EPHA6: variants seen among roughly 807,000 people sequenced by gnomAD.
EPHA6 encodes the protein ephrin type-A receptor 6.
EPHA6 carries 50 observed loss-of-function variants against 112.0 expected under a neutral mutation model. That is an observed-to-expected ratio of 0.45 (90% CI 0.36 to 0.56). The LOEUF is 0.56. Ranked by LOEUF, EPHA6 falls within the 20% of genes least tolerant of loss-of-function variation. The pLI is 0.00. For synonymous variants in EPHA6, 529 were observed against 490.7 expected, an observed-to-expected ratio of 1.08 and a Z score of -1.03; for missense variants, 1,280 against 1,417.4, an observed-to-expected ratio of 0.90 and a Z score of 1.56.
chr3:97,333,468 C>CTTT lies in EPHA6; in HGVS notation c.1607-71661_1607-71659dup, dbSNP rs869258362. On this transcript the variant is annotated intron_variant, in intron 5 of 17. Transcript: ENST00000389672. Reference sequence around the variant, plus strand: ...TTCCTTTACACTCTGTATGGCTTTTCTTTTTTTTTTTTTTTTTTTTTTTGA... The same window carrying CTTT: ...TTCCTTTACACTCTGTATGGCTTTTCTTTTTTTTTTTTTTTTTTTTTTTTTTGA... Among the ~76,000 whole-genome samples the CTTT allele has an allele frequency of 2.4e-3, 181 of 75,842 alleles. 4 individuals carry two copies. Among genetic ancestry groups the CTTT allele is most frequent in the African/African-American group, 4.0e-3 (70 of 17,562 alleles). The allele number at this position is 75,842 out of a possible 152,430, so 49.8% of individuals were successfully genotyped here. A position where few individuals can be genotyped will look rare whatever the true frequency, so the allele number is the denominator to read the frequency against.
chr3:97,065,371 G>A (rs949557706), intron 3 of EPHA6, among the ~76,000 whole-genome samples: 2 of 152,070 alleles, frequency 1.3e-5, no homozygotes, highest in African/African-American at 2.4e-5. Flanking sequence ...AAGGCAAAGA[G>A]TCTTTCTTCA....
At chr3:97,374,670 A>T (rs1281118942) in intron 5 of EPHA6, among the ~76,000 whole-genome samples, 1 of 152,018 alleles carries the variant, frequency 6.6e-6, no homozygotes, top group Non-Finnish European at 1.5e-5. Flanking sequence ...GCTCATCCTT[A>T]TATTAGTCCC....
At chr3:97,421,271 A>G (rs2088607391) in intron 6 of EPHA6, among the ~76,000 whole-genome samples, 1 of 152,162 alleles carries the variant, frequency 6.6e-6, no homozygotes, top group Non-Finnish European at 1.5e-5. Context: ...CTCTTTACAT[A>G]AAAATTTTTC....
At position 97,404,571 on chromosome 3, in the gene EPHA6, A is replaced by G. The variant is rs543084250; in HGVS notation, c.1607-579A>G. ...GAATTATAATATATGGAAAAGTAAA[A>G]TAGACATGATTCTGAAAATAACTTC... On this transcript the variant is annotated intron_variant, in intron 5 of 17. Coordinates refer to ENST00000389672, the MANE Select transcript of EPHA6 (RefSeq NM_001080448.3). 9.8e-5 allele frequency among the ~76,000 whole-genome samples: 15 copies of G among 152,312 alleles called. No homozygotes were observed. The South Asian group carries it at 3.1e-3, about 32-fold the overall frequency.
chr3:97,584,708 G>T (rs2093471418), intron 11 of EPHA6, among the ~76,000 whole-genome samples: 1 of 152,116 alleles, frequency 6.6e-6, no homozygotes, highest in Non-Finnish European at 1.5e-5. Context: ...AAAACCAGAA[G>T]GGACTTCCAG....
chr3:96,857,721 G>T (rs2035778275), intron 1 of EPHA6, among the ~76,000 whole-genome samples: 2 of 151,068 alleles, frequency 1.3e-5, no homozygotes, highest in African/African-American at 2.4e-5. Flanking sequence ...TCTACAGGCA[G>T]TATTACTTAC....
In EPHA6 at chr3:97,585,820, T is replaced by G. The variant is rs1425358550; in HGVS notation, c.2387-6792T>G. ...TCAGACTCAGTCCCTGAAAATAATA[T>G]TGTCATATCAAAAATTATTTGATTT... On this transcript the variant is annotated intron_variant, in intron 11 of 17. Transcript: ENST00000389672. Among the ~76,000 whole-genome samples the G allele has an allele frequency of 2.9e-3, 446 of 152,054 alleles. 4 individuals carry two copies. The highest frequency in any genetic ancestry group is 0.01 in the African/African-American group (429 of 41,334).
At chr3:97,675,990 C>A (rs2031341584) in intron 14 of EPHA6, among the ~76,000 whole-genome samples, 1 of 151,980 alleles carries the variant, frequency 6.6e-6, no homozygotes, top group Non-Finnish European at 1.5e-5. Flanking sequence ...CCTGGGCAAT[C>A]TGAAATGGAA....
At chr3:97,175,221 G>C (rs958169037) in intron 3 of EPHA6, among the ~76,000 whole-genome samples, 1 of 151,644 alleles carries the variant, frequency 6.6e-6, no homozygotes, top group Non-Finnish European at 1.5e-5. Context: ...GTGTGGATTT[G>C]TTTCTGGGTT....
rs554132398 is a variant in EPHA6 at position 97,079,517 on chromosome 3, T to A, written c.1114+91524T>A. On this transcript the variant is annotated intron_variant, in intron 3 of 17. Coordinates refer to ENST00000389672, the MANE Select transcript of EPHA6 (RefSeq NM_001080448.3). Reference sequence around the variant, plus strand: ...ATCAGTACTAGCCTTAATACCTGGGTGATGAACTAATATGTACAACAGACC... The same window carrying A: ...ATCAGTACTAGCCTTAATACCTGGGAGATGAACTAATATGTACAACAGACC... Among the ~76,000 whole-genome samples the A allele has an allele frequency of 2.7e-5, 4 of 150,940 alleles. No homozygotes were observed. In the East Asian group the frequency reaches 7.8e-4, roughly 30 times the overall value.
rs1209784209 is a variant in EPHA6 at position 97,756,917 on chromosome 3, T to C, written c.*8216T>C. Among the ~76,000 whole-genome samples the C allele has an allele frequency of 6.6e-6, 1 of 151,876 alleles. No individual in the cohort carries two copies. The highest frequency in any genetic ancestry group is 1.5e-5 in the Non-Finnish European group (1 of 67,766). ...ACAGGATATAAATATCTTTGGGATATTTTACATAATCATACTTATTTTTAA... is the reference window on the plus strand; with the variant it reads ...ACAGGATATAAATATCTTTGGGATACTTTACATAATCATACTTATTTTTAA... On this transcript the variant is annotated 3_prime_UTR_variant, in exon 18 of 18. Transcript: ENST00000389672.
At chr3:97,006,495 G>T (rs1559662921) in intron 3 of EPHA6, among the ~76,000 whole-genome samples, 1 of 151,314 alleles carries the variant, frequency 6.6e-6, no homozygotes, top group African/African-American at 2.4e-5. Context: ...ATTCTTCTCT[G>T]TCTTCTTCTT....
At chr3:97,568,984 A>C (rs985783754) in intron 11 of EPHA6, among the ~76,000 whole-genome samples, 1 of 152,220 alleles carries the variant, frequency 6.6e-6, no homozygotes, top group African/African-American at 2.4e-5. Context: ...AGACCAGGGT[A>C]ATAAGATATT....
chr3:97,433,985 T>C (rs551144796), intron 6 of EPHA6, among the ~76,000 whole-genome samples: 3 of 152,160 alleles, frequency 2.0e-5, no homozygotes, highest in Non-Finnish European at 4.4e-5. Context: ...AATTTTTATG[T>C]TAGACTAAGT....
chr3:97,186,350 A>G (rs1417717797), intron 3 of EPHA6, among the ~76,000 whole-genome samples: 1 of 152,114 alleles, frequency 6.6e-6, no homozygotes, highest in African/African-American at 2.4e-5. Context: ...TATTCTCAGA[A>G]GTACAGCTCA....
intron 14 of EPHA6, chr3:97,646,303 C>A (rs777403824): frequency 6.6e-7 from 1 of 1,516,990 alleles, no homozygotes; most frequent in South Asian, 1.2e-5. Flanking sequence ...AGAGATAACC[C>A]TCCAACAGTG....
intron 11 of EPHA6, among the ~76,000 whole-genome samples, chr3:97,565,992 GC>G (rs997669796): frequency 2.0e-5 from 3 of 148,074 alleles, no homozygotes; most frequent in African/African-American, 7.6e-5. Flanking sequence ...TGCACTCCAG[GC>G]CGGCAACAGA....
At chr3:97,316,086 A>G (rs1278121562) in intron 5 of EPHA6, among the ~76,000 whole-genome samples, 1 of 151,848 alleles carries the variant, frequency 6.6e-6, no homozygotes, top group Non-Finnish European at 1.5e-5. Flanking sequence ...CCCTTAAATT[A>G]TTGTGTCATA....
At chr3:97,030,025 G>A (rs998004897) in intron 3 of EPHA6, among the ~76,000 whole-genome samples, 2 of 152,030 alleles carry the variant, frequency 1.3e-5, no homozygotes, top group African/African-American at 4.8e-5. Context: ...TGATCCAGAA[G>A]GATAAAGTGA....
Sources: allele counts gnomAD v4.1 joint callset (sites outside exome capture counted in the v4.1 genomes callset), GRCh38; gene constraint gnomAD v4.1.1; transcripts MANE v1.5; gene names NCBI Gene and HGNC (gene_info 2026-07-23, HGNC 2026-07-21).